AOAH: variants seen among roughly 807,000 people sequenced by gnomAD.
AOAH encodes the protein acyloxyacyl hydrolase (neutrophil).
A neutral mutation model predicts 92.2 loss-of-function variants in AOAH; 64 were observed. That is an observed-to-expected ratio of 0.69 (90% CI 0.57 to 0.86). The LOEUF is 0.86. Among genes scored for constraint, AOAH ranks in the 40% least tolerant of loss-of-function variants. AOAH has a pLI of 0.00. For missense variants in AOAH, 656 were observed against 694.6 expected, an observed-to-expected ratio of 0.94 and a Z score of 0.62; for synonymous variants, 263 against 254.5, an observed-to-expected ratio of 1.03 and a Z score of -0.32.
chr7:36,517,782 G>A (rs961558625), intron 20 of AOAH, among the ~76,000 whole-genome samples: 2 of 151,728 alleles, frequency 1.3e-5, no homozygotes, highest in African/African-American at 4.8e-5. Context: ...TGTATTTTTA[G>A]TAGAGATGGG....
intron 11 of AOAH, among the ~76,000 whole-genome samples, chr7:36,616,020 G>C (rs1171389899): frequency 2.6e-5 from 4 of 152,188 alleles, no homozygotes; most frequent in African/African-American, 9.7e-5. Flanking sequence ...TCTGCCCAGA[G>C]CTTCTTGCTT....
intron 4 of AOAH, among the ~76,000 whole-genome samples, chr7:36,646,998 T>C (rs746053849): frequency 2.6e-5 from 4 of 152,226 alleles, no homozygotes; most frequent in Non-Finnish European, 5.9e-5. Flanking sequence ...GTCTATCATA[T>C]TTCTCATTCA....
intron 1 of AOAH, among the ~76,000 whole-genome samples, chr7:36,694,093 T>C (rs933266424): frequency 6.6e-6 from 1 of 152,222 alleles, no homozygotes; most frequent in East Asian, 1.9e-4. Flanking sequence ...ACCTGACTTA[T>C]AAAAATACGT....
chr7:36,704,724 C>G (rs1798275565), intron 1 of AOAH, among the ~76,000 whole-genome samples: 2 of 152,118 alleles, frequency 1.3e-5, no homozygotes, highest in Non-Finnish European at 2.9e-5. Flanking sequence ...CCTTGATGAA[C>G]ATCAATGCAA....
At chr7:36,636,645 A>T (rs1323669579) in intron 5 of AOAH, among the ~76,000 whole-genome samples, 1 of 152,222 alleles carries the variant, frequency 6.6e-6, no homozygotes, top group Non-Finnish European at 1.5e-5. Context: ...ATTGTGATTG[A>T]TTAATCAGTT....
At chr7:36,544,771 AT>A (rs1785685833) in intron 15 of AOAH, among the ~76,000 whole-genome samples, 1 of 152,174 alleles carries the variant, frequency 6.6e-6, no homozygotes, top group Non-Finnish European at 1.5e-5. Context: ...AAGCCTGATC[AT>A]TTCATTACCC....
At chr7:36,712,454 C>A (rs943487696) in intron 1 of AOAH, among the ~76,000 whole-genome samples, 5 of 152,126 alleles carry the variant, frequency 3.3e-5, no homozygotes, top group African/African-American at 7.2e-5. Flanking sequence ...GACTTAGAAA[C>A]ACAAGGATTA....
chr7:36,514,787 C>T (rs1790244009), intron 20 of AOAH: 1 of 535,494 alleles, frequency 1.9e-6, no homozygotes, highest in African/African-American at 1.9e-5. Context: ...CTCACAGTCC[C>T]CTTCCTAATA....
chr7:36,609,387 C>T (rs562533654), intron 11 of AOAH, among the ~76,000 whole-genome samples: 9 of 152,126 alleles, frequency 5.9e-5, no homozygotes, highest in African/African-American at 2.2e-4. Context: ...CAGTTTAAAA[C>T]CCTTCAATGG....
chr7:36,534,080 C>T (rs1472001434), intron 16 of AOAH, among the ~76,000 whole-genome samples: 1 of 152,156 alleles, frequency 6.6e-6, no homozygotes, highest in Non-Finnish European at 1.5e-5. Flanking sequence ...TTGCACTCTC[C>T]CCTCCCCACC....
chr7:36,608,914 G>T (rs1023372334), intron 11 of AOAH, among the ~76,000 whole-genome samples: 1 of 145,100 alleles, frequency 6.9e-6, no homozygotes, highest in African/African-American at 2.5e-5. Context: ...GCGGGGAGGG[G>T]GGGGGGTCTG....
chr7:36,626,264 A>C (rs924545808), intron 6 of AOAH, among the ~76,000 whole-genome samples: 5 of 152,254 alleles, frequency 3.3e-5, no homozygotes, highest in Non-Finnish European at 7.3e-5. Flanking sequence ...GAGCTGCAGG[A>C]AAGGTCCCGT....
At chr7:36,699,446 T>A (rs1159202219) in intron 1 of AOAH, among the ~76,000 whole-genome samples, 2 of 152,088 alleles carry the variant, frequency 1.3e-5, no homozygotes, top group Non-Finnish European at 2.9e-5. Context: ...TTTCTCCACA[T>A]CCTTGCTAGC....
Position 36,632,094 on chromosome 7 carries a change from T to C in AOAH, c.463A>G (p.Ser155Gly). 4.3e-6 allele frequency: 7 copies of C among 1,611,700 alleles called. No homozygotes were observed. Among genetic ancestry groups the C allele is most frequent in the Non-Finnish European group, 5.9e-6 (7 of 1,179,120 alleles). Residue 155 changes from serine to glycine, a missense_variant, in exon 6 of 21, where the codon AGT becomes GGT. Transcript: ENST00000617537. ...KKSPILKYSR[S>G]GSDICSLPVL... is the part of the protein sequence containing the mutation. ...GGGAGTGAACAAATGTCAGAACCAC[T>C]TCTAGAATATTTCTGGGGAGAAAAA...
At chr7:36,582,236 A>G (rs1425639089) in intron 12 of AOAH, among the ~76,000 whole-genome samples, 1 of 152,152 alleles carries the variant, frequency 6.6e-6, no homozygotes, top group Non-Finnish European at 1.5e-5. Flanking sequence ...ATCCGGTCCA[A>G]TGTGCTAGGA....
intron 2 of AOAH, among the ~76,000 whole-genome samples, chr7:36,685,990 A>T (rs1796980555): frequency 6.6e-6 from 1 of 152,148 alleles, no homozygotes. Flanking sequence ...AGAAAAAATA[A>T]TGTAGGCACC....
intron 15 of AOAH, among the ~76,000 whole-genome samples, chr7:36,541,855 C>A (rs1282378977): frequency 6.6e-6 from 1 of 152,190 alleles, no homozygotes; most frequent in Non-Finnish European, 1.5e-5. Flanking sequence ...GGATCCTAAC[C>A]TGCATTAACT....
At chr7:36,607,583 T>C (rs1431781107) in intron 11 of AOAH, among the ~76,000 whole-genome samples, 1 of 152,242 alleles carries the variant, frequency 6.6e-6, no homozygotes, top group Non-Finnish European at 1.5e-5. Context: ...AGCCCAATTA[T>C]GCACATGCTC....
chr7:36,541,302 T>C (rs1785409647), intron 15 of AOAH, among the ~76,000 whole-genome samples: 1 of 152,234 alleles, frequency 6.6e-6, no homozygotes, highest in Admixed American at 6.5e-5. Flanking sequence ...TTTTAAATTA[T>C]ATTTTCTCTT....
Sources: gnomAD v4.1 joint callset for allele counts (sites outside exome capture counted in the v4.1 genomes callset) on GRCh38, gnomAD v4.1.1 for gene constraint, MANE v1.5 for transcripts, NCBI Gene and HGNC (gene_info 2026-07-23, HGNC 2026-07-21) for gene names.